The following MAGEA11 variants were observed in gnomAD, a reference collection of about 807,000 sequenced individuals.
MAGEA11 encodes the protein melanoma-associated antigen 11.
Under a neutral mutation model 8.4 loss-of-function variants are expected in MAGEA11, and 1 was observed. The ratio of observed to expected loss-of-function variants is 0.12; its 90% CI spans 0.04 to 0.57. The LOEUF (loss-of-function observed/expected upper bound fraction) is 0.57, where lower values mean the gene tolerates loss of function less well. Among genes scored for constraint, MAGEA11 ranks in the 20% least tolerant of loss-of-function variants. The pLI, the probability that MAGEA11 is intolerant of heterozygous loss-of-function variation, is 0.91. For synonymous variants in MAGEA11, 127 were observed against 119.3 expected (o/e 1.06, Z -0.42); for missense variants, 209 against 317.3 (o/e 0.66, Z 2.59).
intron 1 of MAGEA11, among the ~76,000 whole-genome samples, chrX:149,705,504 G>T (rs1243664126): frequency 8.9e-6 from 1 of 112,252 alleles, no homozygotes; most frequent in Non-Finnish European, 1.9e-5. Context: ...AAATTGCCAG[G>T]TCTTGGGTAA....
intron 1 of MAGEA11, among the ~76,000 whole-genome samples, chrX:149,691,877 C>T (rs1434960243): frequency 1.8e-5 from 2 of 112,690 alleles, no homozygotes; most frequent in African/African-American, 3.2e-5. Context: ...TATCTCTCAT[C>T]GCTCAGAGAT....
At chrX:149,703,826 T>G (rs1224656745) in intron 1 of MAGEA11, among the ~76,000 whole-genome samples, 2 of 111,977 alleles carry the variant, frequency 1.8e-5, no homozygotes, top group African/African-American at 6.5e-5. Flanking sequence ...AATGACCACA[T>G]TATTAGGGCC....
chrX:149,714,976 AGAGG>A (rs1557362309), intron 3 of MAGEA11, among the ~76,000 whole-genome samples: 3 of 111,703 alleles, frequency 2.7e-5, no homozygotes, highest in African/African-American at 9.8e-5. Flanking sequence ...TCAGGTCAAC[AGAGG>A]GAGGGTCCCA....
chrX:149,706,105 G>A (rs782287835), intron 1 of MAGEA11, among the ~76,000 whole-genome samples: 15 of 111,679 alleles, frequency 1.3e-4, no homozygotes, highest in South Asian at 7.6e-4. Context: ...CATTCCTCCC[G>A]TGGCCAGCCT....
chrX:149,696,749 G>T (rs1557360578), intron 1 of MAGEA11, among the ~76,000 whole-genome samples: 1 of 111,333 alleles, frequency 9.0e-6, no homozygotes, highest in African/African-American at 3.3e-5. Flanking sequence ...CATAGGGTCT[G>T]GGTTGCTGGC....
At chrX:149,707,748 C>T (rs968174805), upstream of MAGEA11, among the ~76,000 whole-genome samples, 20 of 112,149 alleles carry the variant, frequency 1.8e-4, no homozygotes, top group African/African-American at 6.2e-4. Context: ...CTCCAGAACA[C>T]TCCCAACTTT....
chrX:149,703,623 G>A (rs2090363321), intron 1 of MAGEA11, among the ~76,000 whole-genome samples: 1 of 112,325 alleles, frequency 8.9e-6, no homozygotes, highest in Admixed American at 9.4e-5. Context: ...AGCAGGACTA[G>A]AACAAGTTAT....
At chrX:149,712,719 G>A (rs1364505023) in intron 1 of MAGEA11, among the ~76,000 whole-genome samples, 43 of 112,066 alleles carry the variant, frequency 3.8e-4, no homozygotes, top group Non-Finnish European at 5.7e-4. Flanking sequence ...AGGCTGGGCC[G>A]TCCCCTCTGA....
At chrX:149,714,671 C>G in intron 3 of MAGEA11, 95 bp downstream of exon 3, 1 of 1,139,476 alleles carries the variant, frequency 8.8e-7, no homozygotes, top group Non-Finnish European at 1.2e-6. Context: ...CCCCAGAGAG[C>G]ATGTGCAGGA....
At chrX:149,700,695 C>A (rs1158595271) in intron 1 of MAGEA11, among the ~76,000 whole-genome samples, 1 of 108,425 alleles carries the variant, frequency 9.2e-6, no homozygotes, top group Non-Finnish European at 1.9e-5. Context: ...AGATATATCT[C>A]CTAAAGCTAT....
rs781816700 is a variant in MAGEA11, at chrX:149,712,814, TG to T, written c.-17-321del. 7.0e-3 allele frequency among the ~76,000 whole-genome samples: 771 copies of T among 110,422 alleles called. 5 individuals carry two copies. Among genetic ancestry groups the T allele is most frequent in the Non-Finnish European group, 0.011 (572 of 52,379 alleles). ...TTGGTGTGACCAGGGCAGGGCTGGT[TG>T]GGGGGGGCAGGACCCAGGTTCTGCC... is the stretch of plus-strand genomic sequence containing the variant. On this transcript the variant is annotated intron_variant, in intron 1 of 4. Transcript: ENST00000355220.
chrX:149,713,028 T>C, intron 1 of MAGEA11, 115 bp from the exon 2 acceptor site: 2 of 483,898 alleles, frequency 4.1e-6, no homozygotes, highest in East Asian at 3.9e-5. Context: ...CAGACAGGGC[T>C]CAGTCCCTGC....
intron 1 of MAGEA11, among the ~76,000 whole-genome samples, chrX:149,705,950 G>A (rs190629249): frequency 1.4e-4 from 16 of 111,927 alleles, no homozygotes; most frequent in African/African-American, 3.6e-4. Context: ...CCCATCCGTC[G>A]TTTCTCTCCA....
chrX:149,716,878 C>T lies in MAGEA11; in HGVS notation c.*102C>T. ...TGTCCTGTGTGAAATCAGGCCCATTCTTCCCTCTGTGTTTGATGAGAGAAG... is the reference window on the plus strand; with the variant it reads ...TGTCCTGTGTGAAATCAGGCCCATTTTTCCCTCTGTGTTTGATGAGAGAAG... On this transcript the variant is annotated 3_prime_UTR_variant, in exon 5 of 5. Coordinates refer to ENST00000355220, the MANE Select transcript of MAGEA11 (RefSeq NM_005366.5). 5 of 816,348 alleles carry T rather than the reference C, an allele frequency of 6.1e-6. 1 individual carries two copies. In the Middle Eastern group the frequency reaches 1.2e-3, roughly 200 times the overall value. 67.3% of individuals were successfully genotyped at this position (816,348 alleles called of 1,213,427 possible). A position where few individuals can be genotyped will look rare whatever the true frequency, so the allele number is the denominator to read the frequency against.
At chrX:149,691,600 C>T (rs1048868241) in intron 1 of MAGEA11, among the ~76,000 whole-genome samples, 2 of 111,588 alleles carry the variant, frequency 1.8e-5, no homozygotes, top group East Asian at 2.8e-4. Flanking sequence ...CTGGACAAAA[C>T]GCTCTTAAGG....
chrX:149,712,091 C>A lies in MAGEA11; in HGVS notation c.-89C>A. On this transcript the variant is annotated 5_prime_UTR_variant, in exon 1 of 5. Coordinates refer to ENST00000355220, the MANE Select transcript of MAGEA11 (RefSeq NM_005366.5). The stretch of plus-strand genomic sequence containing the variant: ...TTCCGCCTCTGGGATCTGAGAGAAG[C>A]GAAAGCGTCTTTCTGAGGGGTGTCT... The A allele has an allele frequency of 4.0e-6, 3 of 751,896 alleles. No homozygotes were observed. The highest frequency in any genetic ancestry group is 2.3e-5 in the African/African-American group (1 of 43,501). 62.0% of individuals were successfully genotyped at this position (751,896 alleles called of 1,213,427 possible).
At chrX:149,704,058 G>T (rs2090365475) in intron 1 of MAGEA11, among the ~76,000 whole-genome samples, 1 of 112,355 alleles carries the variant, frequency 8.9e-6, no homozygotes, top group South Asian at 3.7e-4. Context: ...ACAAGGGAGT[G>T]CCAGCCATCT....
At position 149,702,033 on chromosome X, in the gene MAGEA11, C is replaced by G. The variant is rs782634685; in HGVS notation, c.10-12448C>G. On this transcript the variant is annotated intron_variant, in intron 1 of 3. Transcript: ENST00000333104. ...ATTTCATATTTTATTCCATTGCAGA[C>G]AGATAAAGTACTTTGTACAATCTCA... Among the ~76,000 whole-genome samples, 5 of 111,987 alleles carry G rather than the reference C, an allele frequency of 4.5e-5. No individual in the cohort carries two copies. The East Asian group carries it at 1.4e-3, about 31-fold the overall frequency.
At chrX:149,690,913 A>G (rs1442232376) in intron 1 of MAGEA11, among the ~76,000 whole-genome samples, 1 of 112,307 alleles carries the variant, frequency 8.9e-6, no homozygotes, top group African/African-American at 3.2e-5. Flanking sequence ...TTTCATCAAT[A>G]TAGAAGTTTA....
Sources: allele counts gnomAD v4.1 joint callset (sites outside exome capture counted in the v4.1 genomes callset), GRCh38; gene constraint gnomAD v4.1.1; transcripts MANE v1.5; gene names NCBI Gene and HGNC (gene_info 2026-07-23, HGNC 2026-07-21).